LRP1B: variants seen among roughly 807,000 people sequenced by gnomAD.
LRP1B encodes LDL receptor related protein 1B, also known as low-density lipoprotein receptor-related protein 1B.
In LRP1B, 217 loss-of-function variants were observed where a neutral mutation model predicts 556.6. The ratio of observed to expected loss-of-function variants is 0.39; its 90% confidence interval spans 0.35 to 0.44. The LOEUF is 0.44. LRP1B is among the 20% of genes least tolerant of loss of function. The pLI, the probability that LRP1B is intolerant of heterozygous loss-of-function variation, is 1.00. For synonymous variants in LRP1B, 2,047 were observed against 1,865.8 expected (o/e 1.10, Z -2.50); for missense variants, 5,053 against 5,620.8 (o/e 0.90, Z 3.23).
chr2:140,547,999 C>A (rs1303165103), intron 43 of LRP1B, among the ~76,000 whole-genome samples: 2 of 148,788 alleles, frequency 1.3e-5, no homozygotes, highest in Non-Finnish European at 3.0e-5. Context: ...ATGATTACTG[C>A]AAAGGAATGG....
At chr2:142,127,275 A>C (rs533465740) in intron 1 of LRP1B, among the ~76,000 whole-genome samples, 2 of 152,024 alleles carry the variant, frequency 1.3e-5, no homozygotes, top group Non-Finnish European at 2.9e-5. Context: ...AATGTTTTTA[A>C]TAATGAGATA....
chr2:141,274,037 G>T (rs1366694345), intron 3 of LRP1B, among the ~76,000 whole-genome samples: 1 of 152,158 alleles, frequency 6.6e-6, no homozygotes, highest in Non-Finnish European at 1.5e-5. Context: ...TGTTAGGGTG[G>T]TTATAATCAT....
At chr2:140,520,595 AAAGTAT>A (rs968792279) in intron 49 of LRP1B, among the ~76,000 whole-genome samples, 47 of 152,084 alleles carry the variant, frequency 3.1e-4, no homozygotes, top group African/African-American at 1.1e-3. Flanking sequence ...CCTAGAACTT[AAAGTAT>A]AATTTTTTTT....
intron 32 of LRP1B, among the ~76,000 whole-genome samples, chr2:140,792,114 G>C (rs1265780785): frequency 6.6e-6 from 1 of 151,882 alleles, no homozygotes; most frequent in East Asian, 1.9e-4. Context: ...TTTCCCACTC[G>C]CTTTCCCACA....
intron 7 of LRP1B, among the ~76,000 whole-genome samples, chr2:141,145,186 ATTAGT>A (rs771876822): frequency 1.3e-5 from 2 of 152,328 alleles, no homozygotes; most frequent in East Asian, 1.9e-4. Flanking sequence ...GTCAATCACT[ATTAGT>A]TTAGTCTAAA....
At chr2:141,145,888 T>C (rs952668486) in intron 7 of LRP1B, among the ~76,000 whole-genome samples, 1 of 151,140 alleles carries the variant, frequency 6.6e-6, no homozygotes, top group Non-Finnish European at 1.5e-5. Flanking sequence ...AAGGTTTTAG[T>C]GTTATTTCAC....
intron 22 of LRP1B, among the ~76,000 whole-genome samples, chr2:140,907,354 C>G (rs549736359): frequency 2.1e-4 from 32 of 152,142 alleles, no homozygotes; most frequent in Non-Finnish European, 2.9e-4. Context: ...CTAGATAAGG[C>G]ATACTAAAGA....
intron 7 of LRP1B, among the ~76,000 whole-genome samples, chr2:141,086,326 AT>A (rs1454613850): frequency 2.0e-5 from 3 of 152,344 alleles, no homozygotes; most frequent in Non-Finnish European, 2.9e-5. Context: ...TATTGAAAGC[AT>A]TATTTCCTAA....
chr2:140,283,532 A>T (rs1683003150), intron 84 of LRP1B, among the ~76,000 whole-genome samples: 1 of 136,550 alleles, frequency 7.3e-6, no homozygotes, highest in African/African-American at 2.5e-5. Context: ...GAATTTTGAA[A>T]ATTAAAGAAT....
chr2:141,945,261 G>A (rs1700920299), intron 1 of LRP1B, among the ~76,000 whole-genome samples: 1 of 151,918 alleles, frequency 6.6e-6, no homozygotes, highest in Admixed American at 6.6e-5. Context: ...TTTTAATGAG[G>A]AATATACTAA....
intron 41 of LRP1B, among the ~76,000 whole-genome samples, chr2:140,663,993 G>C (rs1246116998): frequency 1.3e-5 from 2 of 152,046 alleles, no homozygotes; most frequent in East Asian, 3.9e-4. Context: ...CTGAAGACAG[G>C]GAAAGACACA....
At chr2:140,411,662 T>C (rs913919596) in intron 66 of LRP1B, among the ~76,000 whole-genome samples, 21 of 152,108 alleles carry the variant, frequency 1.4e-4, no homozygotes, top group Admixed American at 3.9e-4. Flanking sequence ...TGATATTCAC[T>C]GGATCCAGGC....
intron 3 of LRP1B, among the ~76,000 whole-genome samples, chr2:141,341,375 G>A (rs1317110886): frequency 1.3e-5 from 2 of 151,908 alleles, no homozygotes; most frequent in East Asian, 1.9e-4. Context: ...AAAATTTTAC[G>A]CATACACACA....
intron 56 of LRP1B, among the ~76,000 whole-genome samples, chr2:140,495,299 T>A (rs1041652415): frequency 6.7e-6 from 1 of 149,330 alleles, no homozygotes; most frequent in Admixed American, 6.7e-5. Flanking sequence ...CAGGAAGCAG[T>A]GCTAGAGATA....
chr2:141,585,321 T>C lies in LRP1B; in HGVS notation c.206-104788A>G, dbSNP rs77001308. Among the ~76,000 whole-genome samples the C allele has an allele frequency of 7.6e-4, 116 of 152,232 alleles. No homozygotes were observed. In the East Asian group the frequency reaches 0.021, roughly 27 times the overall value. On this transcript the variant is annotated intron_variant, in intron 2 of 90. Coordinates refer to ENST00000389484, the MANE Select transcript of LRP1B (RefSeq NM_018557.3). ...GTTGCCCTTTAATTGAATAAGCCTG[T>C]CATGAAGGATCCTTGTAAAAGAAAA...
chr2:141,120,952 T>A lies in LRP1B; in HGVS notation c.1014-58679A>T, dbSNP rs571068605. On this transcript the variant is annotated intron_variant, in intron 7 of 90. Transcript: ENST00000389484. ...CTGCCCTAATAGCTTCTGACAATGA[T>A]AAAAAAAATAACATTAATTACTTTA... is the stretch of plus-strand genomic sequence containing the variant. Among the ~76,000 whole-genome samples the A allele has an allele frequency of 5.0e-3, 767 of 151,894 alleles. 4 individuals are homozygous for A. Among genetic ancestry groups the A allele is most frequent in the Admixed American group, 8.8e-3 (134 of 15,218 alleles).
chr2:140,465,172 A>G (rs2105334240), intron 60 of LRP1B, among the ~76,000 whole-genome samples: 1 of 152,202 alleles, frequency 6.6e-6, no homozygotes, highest in East Asian at 1.9e-4. Flanking sequence ...TCACATGGCA[A>G]AACAGGAGCA....
At chr2:141,351,605 G>A (rs1184969139) in intron 3 of LRP1B, among the ~76,000 whole-genome samples, 2 of 151,862 alleles carry the variant, frequency 1.3e-5, no homozygotes, top group African/African-American at 4.8e-5. Context: ...GTATAATAAG[G>A]CCCACTATGT....
At chr2:141,389,000 T>C (rs1016699485) in intron 3 of LRP1B, among the ~76,000 whole-genome samples, 1 of 152,132 alleles carries the variant, frequency 6.6e-6, no homozygotes, top group Non-Finnish European at 1.5e-5. Context: ...AAGACCTAAA[T>C]AAATGGAATC....
Sources: allele counts gnomAD v4.1 joint callset (sites outside exome capture counted in the v4.1 genomes callset), GRCh38; gene constraint gnomAD v4.1.1; transcripts MANE v1.5; gene names NCBI Gene and HGNC (gene_info 2026-07-23, HGNC 2026-07-21).